DLG2: variants seen among roughly 807,000 people sequenced by gnomAD.
DLG2 encodes disks large homolog 2.
Under a neutral mutation model 132.5 loss-of-function variants are expected in DLG2, and 45 were observed. The ratio of observed to expected loss-of-function variants is 0.34; its 90% CI spans 0.27 to 0.44. The LOEUF is 0.44. DLG2 is among the 20% of genes least tolerant of loss of function. The pLI is 1.00. For missense variants in DLG2, 1,045 were observed against 1,196.9 expected (o/e 0.87, Z 1.87); for synonymous variants, 424 against 419.6 (o/e 1.01, Z -0.13).
Position 85,348,066 on chromosome 11 carries a change from A to G in DLG2, c.41-62701T>C, listed in dbSNP as rs151335127. Reference sequence around the variant, plus strand: ...AGTGGCACAATCTTGGCTCACTGCAATTTCCGCCTCCCTGGTTCAAGCGAT... The same window carrying G: ...AGTGGCACAATCTTGGCTCACTGCAGTTTCCGCCTCCCTGGTTCAAGCGAT... On this transcript the variant is annotated intron_variant, in intron 3 of 27. Coordinates refer to ENST00000376104, the MANE Select transcript of DLG2 (RefSeq NM_001142699.3). Among the ~76,000 whole-genome samples the G allele has an allele frequency of 6.5e-4, 86 of 131,548 alleles. 1 individual carries two copies. The East Asian group carries it at 0.015, about 22-fold the overall frequency. The allele number at this position is 131,548 out of a possible 152,430, so 86.3% of individuals were successfully genotyped here.
intron 10 of DLG2, among the ~76,000 whole-genome samples, chr11:84,084,575 T>C (rs1306426383): frequency 2.0e-5 from 3 of 152,180 alleles, no homozygotes; most frequent in African/African-American, 2.4e-5. Flanking sequence ...GAATATTAAG[T>C]AGTGACAAAG....
intron 8 of DLG2, among the ~76,000 whole-genome samples, chr11:84,235,910 G>C (rs1269110849): frequency 3.3e-5 from 5 of 152,088 alleles, no homozygotes; most frequent in Non-Finnish European, 2.9e-5. Context: ...TGTGAAGATT[G>C]AATAAATTAA....
chr11:83,859,575 T>C (rs1175274361), intron 16 of DLG2, among the ~76,000 whole-genome samples: 2 of 152,190 alleles, frequency 1.3e-5, no homozygotes, highest in Non-Finnish European at 2.9e-5. Context: ...TTGGGTGCTG[T>C]TAAAGGCATT....
At chr11:85,305,434 G>A (rs756898998) in intron 3 of DLG2, among the ~76,000 whole-genome samples, 2 of 152,154 alleles carry the variant, frequency 1.3e-5, no homozygotes, top group Non-Finnish European at 2.9e-5. Context: ...AGGCCTTCCG[G>A]GAAATCTGCA....
At chr11:85,026,991 A>C (rs201650683) in intron 6 of DLG2, among the ~76,000 whole-genome samples, 1 of 150,920 alleles carries the variant, frequency 6.6e-6, no homozygotes, top group Non-Finnish European at 1.5e-5. Context: ...CTAATAACAA[A>C]GGATTATAAA....
At chr11:84,789,881 C>T (rs560959136) in intron 6 of DLG2, among the ~76,000 whole-genome samples, 1 of 152,244 alleles carries the variant, frequency 6.6e-6, no homozygotes, top group Admixed American at 6.5e-5. Context: ...ATAATGACCT[C>T]CAATTCTATC....
At chr11:83,790,245 GT>G in intron 17 of DLG2, 1 of 906,682 alleles carries the variant, frequency 1.1e-6, no homozygotes, top group Non-Finnish European at 1.8e-6. Context: ...ACATTTGGCT[GT>G]TCATAAAAGC....
At chr11:84,826,237 A>C (rs1471517615) in intron 6 of DLG2, among the ~76,000 whole-genome samples, 1 of 151,908 alleles carries the variant, frequency 6.6e-6, no homozygotes, top group Non-Finnish European at 1.5e-5. Context: ...TAAAATGTAC[A>C]ATTAAATTAG....
intron 6 of DLG2, among the ~76,000 whole-genome samples, chr11:84,933,241 C>T (rs2048311213): frequency 6.6e-6 from 1 of 152,046 alleles, no homozygotes; most frequent in African/African-American, 2.4e-5. Flanking sequence ...CTGTTTTGTA[C>T]CAGTACCATC....
At chr11:84,823,053 A>G (rs542508774) in intron 6 of DLG2, among the ~76,000 whole-genome samples, 1 of 152,058 alleles carries the variant, frequency 6.6e-6, no homozygotes, top group South Asian at 2.1e-4. Flanking sequence ...TTAAAAATGC[A>G]TGTATGTAAA....
chr11:83,692,749 T>C (rs543686046), intron 18 of DLG2, among the ~76,000 whole-genome samples: 1 of 152,322 alleles, frequency 6.6e-6, no homozygotes, highest in South Asian at 2.1e-4. Context: ...ACTATCTGGT[T>C]CACCAAACTC....
chr11:84,006,593 GC>G (rs1245534974), intron 11 of DLG2, among the ~76,000 whole-genome samples: 4 of 149,846 alleles, frequency 2.7e-5, no homozygotes, highest in Non-Finnish European at 4.4e-5. Flanking sequence ...CAAATACCCT[GC>G]TTTGATCATT....
chr11:83,796,674 T>C lies in DLG2; in HGVS notation c.1723-9882A>G, dbSNP rs538585015. 5.9e-5 allele frequency among the ~76,000 whole-genome samples: 9 copies of C among 152,340 alleles called. No homozygotes were observed. The South Asian group carries it at 1.9e-3, about 32-fold the overall frequency. ...AGATCAAATATGGCAATATGGATGC[T>C]TACCCTATGGTTCACTGTACTATCT... On this transcript the variant is annotated intron_variant, in intron 17 of 27. Coordinates refer to ENST00000376104, the MANE Select transcript of DLG2 (RefSeq NM_001142699.3).
At chr11:84,950,028 G>A (rs1347749652) in intron 6 of DLG2, among the ~76,000 whole-genome samples, 1 of 152,102 alleles carries the variant, frequency 6.6e-6, no homozygotes. Flanking sequence ...CACAATCCAC[G>A]TTCTTCTGCC....
intron 4 of DLG2, among the ~76,000 whole-genome samples, chr11:85,266,857 C>CA (rs1471202798): frequency 6.6e-6 from 1 of 152,162 alleles, no homozygotes; most frequent in Non-Finnish European, 1.5e-5. Context: ...CCACAGTCCT[C>CA]AAAAAATGTT....
At chr11:84,589,047 A>G (rs1267900059) in intron 6 of DLG2, among the ~76,000 whole-genome samples, 1 of 152,114 alleles carries the variant, frequency 6.6e-6, no homozygotes, top group Non-Finnish European at 1.5e-5. Context: ...ACTCCAGGTA[A>G]GTGGTGGGGT....
chr11:84,236,063 AAC>A (rs1555444437), intron 8 of DLG2, among the ~76,000 whole-genome samples: 12 of 151,640 alleles, frequency 7.9e-5, no homozygotes, highest in Non-Finnish European at 8.8e-5. Flanking sequence ...AAAAAAAAAA[AAC>A]AACTAAGGCT....
chr11:84,305,697 A>C (rs1205848855), intron 7 of DLG2, among the ~76,000 whole-genome samples: 1 of 152,118 alleles, frequency 6.6e-6, no homozygotes, highest in Admixed American at 6.5e-5. Flanking sequence ...AGCACTCTAA[A>C]ATTCTATCCT....
At chr11:85,608,830 A>G (rs937980093) in intron 2 of DLG2, among the ~76,000 whole-genome samples, 6 of 152,130 alleles carry the variant, frequency 3.9e-5, no homozygotes, top group African/African-American at 9.7e-5. Flanking sequence ...TCTAGGGCAA[A>G]CCTTCAATCT....
Sources: allele counts gnomAD v4.1 joint callset (sites outside exome capture counted in the v4.1 genomes callset), GRCh38; gene constraint gnomAD v4.1.1; transcripts MANE v1.5; gene names NCBI Gene and HGNC (gene_info 2026-07-23, HGNC 2026-07-21).